Variants in WFDC8 observed in about 807,000 individuals in gnomAD.
WFDC8 encodes WAP four-disulfide core domain protein 8.
WFDC8 carries 24 observed loss-of-function variants against 27.0 expected under a neutral mutation model. The ratio of observed to expected loss-of-function variants is 0.89; its 90% confidence interval spans 0.64 to 1.25. WFDC8 has a LOEUF of 1.25. Ranked by LOEUF, WFDC8 falls within the 50% of genes most tolerant of loss-of-function variation. The pLI, the probability that WFDC8 is intolerant of heterozygous loss-of-function variation, is 0.00. For synonymous variants in WFDC8, 106 were observed against 99.7 expected, an observed-to-expected ratio of 1.06 and a Z score of -0.38; for missense variants, 287 against 295.9, an observed-to-expected ratio of 0.97 and a Z score of 0.22.
intron 1 of WFDC8, among the ~76,000 whole-genome samples, chr20:45,573,505 C>T (rs901405567): frequency 1.3e-5 from 2 of 152,262 alleles, no homozygotes; most frequent in Non-Finnish European, 2.9e-5. Flanking sequence ...ACCTGTATAC[C>T]TTTGCATACC....
At chr20:45,562,325 AGG>A in intron 1 of WFDC8, 106 bp from the exon 2 acceptor site, 1 of 865,936 alleles carries the variant, frequency 1.2e-6, no homozygotes, top group Non-Finnish European at 1.9e-6. Flanking sequence ...TTTAGTTCAC[AGG>A]TAAGAAGACT....
Position 45,553,173 on chromosome 20 carries a change from T to G in WFDC8, c.549A>C (p.Glu183Asp). 6.2e-7 allele frequency: 1 copy of G among 1,613,778 alleles called. No individual in the cohort carries two copies. Among genetic ancestry groups the G allele is most frequent in the South Asian group, 1.1e-5 (1 of 91,044 alleles). ...IDCPQTDKCC[E>D]SRCGFVCARA... ...TGGCACAAACAAAGCCACACCTGGA[T>G]TCACAACATTTGTCTGTCTGGGGAC... Residue 183 changes from glutamate to aspartate, a missense_variant, in exon 5 of 6, where the codon GAA becomes GAC. Physicochemically the swap from Glu to Asp is conservative, Grantham distance 45. Transcript: ENST00000289953.
intron 1 of WFDC8, among the ~76,000 whole-genome samples, chr20:45,577,970 A>G (rs1397038718): frequency 2.7e-5 from 4 of 150,270 alleles, no homozygotes; most frequent in African/African-American, 9.7e-5. Context: ...TCACACCACT[A>G]TGCTCCAGCC....
At chr20:45,564,927 TGAAA>T (rs755324336) in intron 1 of WFDC8, among the ~76,000 whole-genome samples, 23 of 98,218 alleles carry the variant, frequency 2.3e-4, no homozygotes, top group Non-Finnish European at 4.0e-4. Flanking sequence ...AAAGAGAGAG[TGAAA>T]GAAAGGAAAG....
chr20:45,560,196 G>A (rs1241657277), intron 2 of WFDC8, among the ~76,000 whole-genome samples: 6 of 152,196 alleles, frequency 3.9e-5, no homozygotes, highest in African/African-American at 1.4e-4. Flanking sequence ...CTTGCTATTC[G>A]TAGCTTTGAA....
chr20:45,562,338 G>A, intron 1 of WFDC8, 119 bp from the exon 2 acceptor site: 2 of 759,686 alleles, frequency 2.6e-6, no homozygotes, highest in East Asian at 5.4e-5. Flanking sequence ...TAAGAAGACT[G>A]ACACCAGCAT....
intron 1 of WFDC8, among the ~76,000 whole-genome samples, chr20:45,573,569 C>A (rs1242815303): frequency 1.3e-5 from 2 of 152,126 alleles, no homozygotes; most frequent in African/African-American, 4.8e-5. Flanking sequence ...TTTTCCATTC[C>A]TGAGTTTCTT....
At chr20:45,555,905 G>T in intron 3 of WFDC8, 37 bp from the exon 4 acceptor site, 1 of 1,597,472 alleles carries the variant, frequency 6.3e-7, no homozygotes, top group Non-Finnish European at 8.6e-7. Flanking sequence ...GATATGAAGA[G>T]TAGAGATAAA....
intron 3 of WFDC8, among the ~76,000 whole-genome samples, chr20:45,557,142 C>G (rs1475583354): frequency 1.3e-5 from 2 of 152,202 alleles, no homozygotes; most frequent in Admixed American, 1.3e-4. Context: ...GTCACACAAC[C>G]AACACAAAAG....
At chr20:45,564,504 T>C (rs1980576581) in intron 1 of WFDC8, among the ~76,000 whole-genome samples, 1 of 151,964 alleles carries the variant, frequency 6.6e-6, no homozygotes, top group Non-Finnish European at 1.5e-5. Context: ...ATCCCGTCTA[T>C]ACTAAACAAA....
rs888921578 is a variant in WFDC8 at position 45,577,641 on chromosome 20, G to A, written c.26+1581C>T. 4.7e-5 allele frequency among the ~76,000 whole-genome samples: 7 copies of A among 148,806 alleles called. 1 individual carries two copies. The highest frequency in any genetic ancestry group is 7.5e-5 in the Non-Finnish European group (5 of 66,684). On this transcript the variant is annotated intron_variant, in intron 1 of 5. Coordinates refer to ENST00000289953, the MANE Select transcript of WFDC8 (RefSeq NM_130896.3). ...TCTCAATCTCCTGACCTAGTGATCC[G>A]CCTGCCTCAGCCTCCCAAAGTGCTG...
Position 45,555,759 on chromosome 20 carries a change from T to A in WFDC8, c.387A>T (p.Glu129Asp), listed in dbSNP as rs1288800105. Residue 129 changes from glutamate to aspartate, a missense_variant, in exon 4 of 6, where the codon GAA becomes GAT. Physicochemically the swap from Glu to Asp is conservative, Grantham distance 45. Transcript: ENST00000289953. Reference sequence around the variant, plus strand: ...CATTTAAGAAGTTGTTGGCATTCCCTTCGCAGCCCCTGTATTTGAAGGGTG... The same window carrying A: ...CATTTAAGAAGTTGTTGGCATTCCCATCGCAGCCCCTGTATTTGAAGGGTG... ...RCTPFKYRGCEGNANNFLNED... is the reference protein window; with the variant it reads ...RCTPFKYRGCDGNANNFLNED... The A allele has an allele frequency of 6.2e-7, 1 of 1,613,394 alleles. No homozygotes were observed. The highest frequency in any genetic ancestry group is 1.7e-5 in the Admixed American group (1 of 60,022).
intron 1 of WFDC8, among the ~76,000 whole-genome samples, chr20:45,569,604 G>T (rs571377199): frequency 3.1e-4 from 47 of 152,210 alleles, no homozygotes; most frequent in African/African-American, 1.1e-3. Flanking sequence ...TGTCTTTCAG[G>T]ATTTTTATGG....
At chr20:45,552,290 C>G in intron 5 of WFDC8, 125 bp from the exon 6 acceptor site, 1 of 1,158,844 alleles carries the variant, frequency 8.6e-7, no homozygotes, top group Non-Finnish European at 1.2e-6. Context: ...TTTCCCCCTA[C>G]AGTAACAATA....
In WFDC8 at chr20:45,553,277, C is replaced by T. The variant is rs200594960; in HGVS notation, c.446-1G>A. On this transcript the variant is annotated splice_acceptor_variant, in intron 4 of 5. Coordinates refer to ENST00000289953, the MANE Select transcript of WFDC8 (RefSeq NM_130896.3). LOFTEE classifies it high-confidence loss of function. ...AAGAGTGGGCATTGTCCATCCTTAACTAAAATAAGAGCAGATGTGAGCTTC... is the reference window on the plus strand; with the variant it reads ...AAGAGTGGGCATTGTCCATCCTTAATTAAAATAAGAGCAGATGTGAGCTTC... 3.7e-6 allele frequency: 6 copies of T among 1,612,406 alleles called. No homozygotes were observed. In the East Asian group the frequency reaches 1.3e-4, roughly 36 times the overall value.
In WFDC8 at chr20:45,573,537, A is replaced by T. The variant is rs557477934; in HGVS notation, c.26+5685T>A. 2.6e-5 allele frequency among the ~76,000 whole-genome samples: 4 copies of T among 152,328 alleles called. No individual in the cohort carries two copies. In the East Asian group the frequency reaches 7.7e-4, roughly 29 times the overall value. On this transcript the variant is annotated intron_variant, in intron 1 of 5. Transcript: ENST00000289953. ...TACCCATAGGTTAACTCAACTTATA[A>T]GCGAAAACATATGGTATTTGGTTTT...
chr20:45,560,357 C>T (rs1434166913), intron 2 of WFDC8, among the ~76,000 whole-genome samples: 2 of 152,226 alleles, frequency 1.3e-5, no homozygotes, highest in East Asian at 3.8e-4. Flanking sequence ...AACTACAGCC[C>T]TGGCTGACAT....
At chr20:45,566,386 G>A (rs766296456) in intron 1 of WFDC8, among the ~76,000 whole-genome samples, 1 of 152,112 alleles carries the variant, frequency 6.6e-6, no homozygotes, top group Non-Finnish European at 1.5e-5. Context: ...TGCTAGCCAG[G>A]TGCAGTGGCT....
At position 45,555,831 on chromosome 20, in the gene WFDC8, A is replaced by T; in HGVS notation, c.315T>A (p.Asn105Lys). 11 of 1,614,024 alleles carry T rather than the reference A, an allele frequency of 6.8e-6. No individual in the cohort carries two copies. Among genetic ancestry groups the T allele is most frequent in the Non-Finnish European group, 9.3e-6 (11 of 1,179,970 alleles). Residue 105 changes from asparagine (N) to lysine (K), a missense_variant, in exon 4 of 6, where the codon AAT (asparagine) becomes AAA (lysine). Coordinates refer to ENST00000289953, the MANE Select transcript of WFDC8 (RefSeq NM_130896.3). ...CAAAATGCCAGCGCTGTGCCTCATG[A>T]TTACAGTTTCCATGCCTCACAGGTA... is the stretch of plus-strand genomic sequence containing the variant. ...CMLPVRHGNC[N>K]HEAQRWHFDF...
Sources: gnomAD v4.1 joint callset for allele counts (sites outside exome capture counted in the v4.1 genomes callset) on GRCh38, gnomAD v4.1.1 for gene constraint, MANE v1.5 for transcripts, NCBI Gene and HGNC (gene_info 2026-07-23, HGNC 2026-07-21) for gene names.